Variants in CALN1 observed in about 807,000 individuals in gnomAD.
CALN1 encodes the protein calcium-binding protein 8.
CALN1 carries 17 observed loss-of-function variants against 30.6 expected under a neutral mutation model. The ratio of observed to expected loss-of-function variants is 0.56; its 90% confidence interval spans 0.38 to 0.83. CALN1 has a LOEUF of 0.83. Among genes scored for constraint, CALN1 ranks in the 40% least tolerant of loss-of-function variants. The probability of loss-of-function intolerance (pLI) is 0.00; values close to 1 mark genes in which losing one functional copy is unlikely to be tolerated. For synonymous variants in CALN1, 156 were observed against 131.4 expected, an observed-to-expected ratio of 1.19 and a Z score of -1.28; for missense variants, 291 against 354.9, an observed-to-expected ratio of 0.82 and a Z score of 1.45.
chr7:72,287,921 C>T (rs1449835180), intron 2 of CALN1, among the ~76,000 whole-genome samples: 4 of 151,904 alleles, frequency 2.6e-5, no homozygotes, highest in Non-Finnish European at 4.4e-5. Context: ...CGAATCTTTA[C>T]CTTTATTGGA....
chr7:72,038,920 C>G (rs546811700), intron 4 of CALN1, among the ~76,000 whole-genome samples: 49 of 152,314 alleles, frequency 3.2e-4, no homozygotes, highest in Admixed American at 7.2e-4. Flanking sequence ...GCTGCTCTGC[C>G]TATGGAGTAG....
rs1477274107 is a variant in CALN1 at position 72,421,572 on chromosome 7, A to C, written c.-225-9297T>G. Reference sequence around the variant, plus strand: ...AGATGATAAGATTTCATTTTATCCTACTTTTTTTTTTTTTTTTTTTTTTTT... The same window carrying C: ...AGATGATAAGATTTCATTTTATCCTCCTTTTTTTTTTTTTTTTTTTTTTTT... On this transcript the variant is annotated intron_variant, in intron 1 of 6. Transcript: ENST00000395276. Among the ~76,000 whole-genome samples the C allele has an allele frequency of 2.7e-3, 162 of 60,844 alleles. 1 individual carries two copies. The highest frequency in any genetic ancestry group is 0.011 in the African/African-American group (153 of 13,844). 39.9% of individuals were successfully genotyped at this position (60,844 alleles called of 152,430 possible). A position where few individuals can be genotyped will look rare whatever the true frequency, so the allele number is the denominator to read the frequency against.
chr7:72,285,296 G>A (rs996684221), intron 2 of CALN1, among the ~76,000 whole-genome samples: 1 of 152,172 alleles, frequency 6.6e-6, no homozygotes, highest in Non-Finnish European at 1.5e-5. Context: ...CCAGGCTGGA[G>A]TGCAGTGGCA....
At chr7:72,502,458 A>G in the CALN1 span, among the ~76,000 whole-genome samples, 1 of 150,916 alleles carries the variant, frequency 6.6e-6, no homozygotes, top group Non-Finnish European at 1.5e-5. Context: ...CCATGTCTCT[A>G]TTAACTACTG....
intron 4 of CALN1, among the ~76,000 whole-genome samples, chr7:72,105,207 G>A (rs1806999545): frequency 6.6e-6 from 1 of 152,132 alleles, no homozygotes; most frequent in Non-Finnish European, 1.5e-5. Context: ...TGCTCCCCTG[G>A]CTCCTCCCCT....
At chr7:71,859,040 T>G (rs1010161941) in intron 5 of CALN1, among the ~76,000 whole-genome samples, 2 of 152,102 alleles carry the variant, frequency 1.3e-5, no homozygotes, top group Admixed American at 1.3e-4. Flanking sequence ...ATTTTTCTTT[T>G]TGTCTTTTTT....
intron 3 of CALN1, among the ~76,000 whole-genome samples, chr7:72,143,866 A>T (rs1442839057): frequency 6.6e-6 from 1 of 152,192 alleles, no homozygotes; most frequent in Non-Finnish European, 1.5e-5. Flanking sequence ...TTTCATATCC[A>T]GCCAAACTAA....
At chr7:72,147,325 A>T (rs943215269) in intron 3 of CALN1, among the ~76,000 whole-genome samples, 1 of 152,072 alleles carries the variant, frequency 6.6e-6, no homozygotes, top group East Asian at 1.9e-4. Flanking sequence ...GACACTTCTC[A>T]AAAGAAGACA....
chr7:72,195,401 T>A (rs1217280530), intron 3 of CALN1, among the ~76,000 whole-genome samples: 2 of 152,186 alleles, frequency 1.3e-5, no homozygotes, highest in Non-Finnish European at 2.9e-5. Flanking sequence ...TTTAAGAGAC[T>A]AGATCTTGCT....
intron 5 of CALN1, among the ~76,000 whole-genome samples, chr7:71,935,366 T>C (rs1013752582): frequency 1.3e-5 from 2 of 151,714 alleles, no homozygotes; most frequent in Admixed American, 6.6e-5. Flanking sequence ...AAGGAAAAAA[T>C]GGGAGGTCTT....
At chr7:72,259,322 A>C (rs1265061425) in intron 3 of CALN1, among the ~76,000 whole-genome samples, 1 of 152,058 alleles carries the variant, frequency 6.6e-6, no homozygotes, top group Non-Finnish European at 1.5e-5. Flanking sequence ...GAGTCCCAGA[A>C]ATCAATATGC....
chr7:72,218,559 G>A (rs1357406363), intron 3 of CALN1, among the ~76,000 whole-genome samples: 3 of 152,206 alleles, frequency 2.0e-5, no homozygotes, highest in African/African-American at 7.2e-5. Context: ...TGTGTGGGGT[G>A]AGGAATTGAG....
At chr7:72,041,441 T>C (rs1055219461) in intron 4 of CALN1, among the ~76,000 whole-genome samples, 5 of 152,080 alleles carry the variant, frequency 3.3e-5, no homozygotes, top group Non-Finnish European at 7.4e-5. Flanking sequence ...TAGAGTGCAG[T>C]GGTACGATTT....
chr7:71,858,835 G>A (rs1200901776), intron 5 of CALN1, among the ~76,000 whole-genome samples: 1 of 152,054 alleles, frequency 6.6e-6, no homozygotes, highest in Non-Finnish European at 1.5e-5. Flanking sequence ...TCCCTAAAAT[G>A]TATAAAACCA....
chr7:72,236,988 AT>A (rs1397656751), intron 3 of CALN1, among the ~76,000 whole-genome samples: 1,744 of 140,198 alleles, frequency 0.012, 29 homozygotes, highest in African/African-American at 0.04. Context: ...TTCTATTTTT[AT>A]TTTTTTTTTT....
At chr7:72,321,628 T>A (rs555557579) in intron 2 of CALN1, among the ~76,000 whole-genome samples, 14 of 152,308 alleles carry the variant, frequency 9.2e-5, no homozygotes, top group African/African-American at 3.4e-4. Context: ...AGAATTTCAT[T>A]AAGCTTCTGT....
intron 3 of CALN1, among the ~76,000 whole-genome samples, chr7:72,221,888 C>CAA (rs35067592): frequency 1.3e-3 from 193 of 148,434 alleles, no homozygotes; most frequent in Admixed American, 5.3e-3. Flanking sequence ...GACTCCATCT[C>CAA]AAAAAAAAAA....
chr7:72,063,889 G>T (rs1803836899), intron 4 of CALN1, among the ~76,000 whole-genome samples: 1 of 151,940 alleles, frequency 6.6e-6, no homozygotes, highest in African/African-American at 2.4e-5. Context: ...AAACACTTCT[G>T]GTCCCAGGAA....
intron 5 of CALN1, among the ~76,000 whole-genome samples, chr7:71,949,569 G>A (rs1796583564): frequency 6.6e-6 from 1 of 151,240 alleles, no homozygotes. Flanking sequence ...TAGTAGAGAT[G>A]GGGTTTCACC....
Sources: gnomAD v4.1 joint callset for allele counts (sites outside exome capture counted in the v4.1 genomes callset) on GRCh38, gnomAD v4.1.1 for gene constraint, MANE v1.5 for transcripts, NCBI Gene and HGNC (gene_info 2026-07-23, HGNC 2026-07-21) for gene names.